Variants in EML1 observed in about 807,000 individuals in gnomAD.
EML1 encodes the protein echinoderm microtubule-associated protein-like 1.
In EML1, 27 loss-of-function variants were observed where a neutral mutation model predicts 110.4. That is an observed-to-expected ratio of 0.24 (90% CI 0.18 to 0.34). EML1 has a LOEUF of 0.34. Among genes scored for constraint, EML1 ranks in the 10% least tolerant of loss-of-function variants. The probability of loss-of-function intolerance (pLI) is 1.00; values close to 1 mark genes in which losing one functional copy is unlikely to be tolerated. For missense variants in EML1, 741 were observed against 1,030.9 expected, an observed-to-expected ratio of 0.72 and a Z score of 3.85; for synonymous variants, 344 against 385.8, an observed-to-expected ratio of 0.89 and a Z score of 1.27.
intron 3 of EML1, among the ~76,000 whole-genome samples, chr14:99,873,483 A>T (rs79597969): frequency 5.9e-5 from 9 of 152,314 alleles, no homozygotes; most frequent in African/African-American, 1.9e-4. Flanking sequence ...TATTATTCCG[A>T]TCCATTGAAA....
At chr14:99,938,458 A>G (rs1379248845) in intron 20 of EML1, among the ~76,000 whole-genome samples, 1 of 152,136 alleles carries the variant, frequency 6.6e-6, no homozygotes, top group East Asian at 1.9e-4. Context: ...CCGGAGGTTC[A>G]CTCCAGAGCT....
At chr14:99,861,018 AC>A (rs1355562801) in intron 2 of EML1, among the ~76,000 whole-genome samples, 14 of 152,364 alleles carry the variant, frequency 9.2e-5, no homozygotes, top group African/African-American at 3.4e-4. Flanking sequence ...TGAGAAAAGG[AC>A]AACAATAGAT....
At chr14:99,798,913 T>C (rs575979015) in intron 1 of EML1, among the ~76,000 whole-genome samples, 32 of 152,350 alleles carry the variant, frequency 2.1e-4, no homozygotes, top group Middle Eastern at 3.4e-3. Flanking sequence ...GTTGTAATGC[T>C]ATAAATAATC....
Position 99,884,555 on chromosome 14 carries a change from A to G in EML1, c.518+5936A>G, listed in dbSNP as rs538583773. Among the ~76,000 whole-genome samples, 5 of 152,360 alleles carry G rather than the reference A, an allele frequency of 3.3e-5. No individual in the cohort carries two copies. The South Asian group carries it at 1.0e-3, about 32-fold the overall frequency. ...GGGAGAACAAGATAATCCACGGAAT[A>G]GAAAAATGGTAAAGGGTCTGCACAG... On this transcript the variant is annotated intron_variant, in intron 4 of 21. Transcript: ENST00000262233.
At position 99,941,647 on chromosome 14, in the gene EML1, A is replaced by ATTTGCAGATGAGACTGTAG. The variant is rs373643254; in HGVS notation, c.*1565_*1583dup. ...TGCAGATTTTATTCTCACCTGGGCC[A>ATTTGCAGATGAGACTGTAG]TTTGCAGATGAGACTGTAGTTTGCA... On this transcript the variant is annotated 3_prime_UTR_variant, in exon 22 of 22. Transcript: ENST00000262233. 2.0e-5 allele frequency: 3 copies of ATTTGCAGATGAGACTGTAG among 152,304 alleles called. No individual in the cohort carries two copies. Among genetic ancestry groups the ATTTGCAGATGAGACTGTAG allele is most frequent in the Non-Finnish European group, 4.4e-5 (3 of 68,034 alleles). 9.4% of individuals were successfully genotyped at this position (152,304 alleles called of 1,614,324 possible).
Position 99,937,807 on chromosome 14 carries a change from C to T in EML1, c.2096-10C>T. On this transcript the variant is annotated splice_polypyrimidine_tract_variant and intron_variant, in intron 19 of 21. Coordinates refer to ENST00000262233, the MANE Select transcript of EML1 (RefSeq NM_004434.3). ...GGCTTAGATGTTGCCAGACTGTTTG[C>T]TTTTTGCAGGGGTTCCCTCTGCCTG... The T allele has an allele frequency of 6.2e-7, 1 of 1,613,386 alleles. No homozygotes were observed. Among genetic ancestry groups the T allele is most frequent in the South Asian group, 1.1e-5 (1 of 91,012 alleles).
intron 1 of EML1, among the ~76,000 whole-genome samples, chr14:99,832,893 A>C (rs1454173249): frequency 6.6e-6 from 1 of 152,176 alleles, no homozygotes; most frequent in African/African-American, 2.4e-5. Context: ...CTTTTTTAAA[A>C]AATAATTTCA....
At chr14:99,826,200 C>T (rs148617680) in intron 1 of EML1, among the ~76,000 whole-genome samples, 1,581 of 149,844 alleles carry the variant, frequency 0.011, 30 homozygotes, top group African/African-American at 0.034. Flanking sequence ...GCAACCTCCT[C>T]CTCCCAGGTT....
At chr14:99,846,995 T>C (rs2058717067) in intron 1 of EML1, among the ~76,000 whole-genome samples, 1 of 152,224 alleles carries the variant, frequency 6.6e-6, no homozygotes, top group Non-Finnish European at 1.5e-5. Context: ...GTTTTAAAGC[T>C]ATTAGTTTTC....
At chr14:99,846,344 G>C (rs1357748437) in intron 1 of EML1, among the ~76,000 whole-genome samples, 4 of 143,846 alleles carry the variant, frequency 2.8e-5, no homozygotes, top group African/African-American at 1.0e-4. Flanking sequence ...GTGCAGTGGC[G>C]CAATCTCGGC....
At position 99,904,449 on chromosome 14, in the gene EML1, A is replaced by G. The variant is rs117408200; in HGVS notation, c.1009-3189A>G. 4.9e-3 allele frequency among the ~76,000 whole-genome samples: 750 copies of G among 152,340 alleles called. 3 individuals are homozygous for G. The highest frequency in any genetic ancestry group is 8.6e-3 in the Non-Finnish European group (585 of 68,026). ...ACATTTCACTTTCTTTATACACCTT[A>G]CATATAAAACAGTTTTTATTTCCCA... is the stretch of plus-strand genomic sequence containing the variant. On this transcript the variant is annotated intron_variant, in intron 9 of 21. Coordinates refer to ENST00000262233, the MANE Select transcript of EML1 (RefSeq NM_004434.3).
chr14:99,864,256 C>T (rs892610988), intron 2 of EML1, among the ~76,000 whole-genome samples: 9 of 152,076 alleles, frequency 5.9e-5, no homozygotes, highest in African/African-American at 1.7e-4. Flanking sequence ...TTATCAGATA[C>T]GTGATGTGCA....
intron 4 of EML1, among the ~76,000 whole-genome samples, chr14:99,884,234 T>G (rs1410797437): frequency 2.0e-5 from 3 of 152,184 alleles, no homozygotes; most frequent in Non-Finnish European, 1.5e-5. Context: ...TCCCTCCCAC[T>G]CCCCTGCTTG....
chr14:99,861,406 A>G (rs899356646), intron 2 of EML1, among the ~76,000 whole-genome samples: 1 of 152,226 alleles, frequency 6.6e-6, no homozygotes, highest in African/African-American at 2.4e-5. Context: ...TTGGCATAAT[A>G]CACAGTTTTG....
At chr14:99,793,981 C>T (rs1218209622) in intron 1 of EML1, among the ~76,000 whole-genome samples, 1 of 152,178 alleles carries the variant, frequency 6.6e-6, no homozygotes, top group African/African-American at 2.4e-5. Flanking sequence ...CAAAACCCTC[C>T]TGCGAGGATG....
At chr14:99,746,961 T>C (rs2057116344) in intron 1 of EML1, among the ~76,000 whole-genome samples, 1 of 152,030 alleles carries the variant, frequency 6.6e-6, no homozygotes, top group Admixed American at 6.5e-5. Flanking sequence ...TGCTATCCTG[T>C]GCTTGCCTCC....
chr14:99,870,217 G>A (rs1595406923), intron 3 of EML1, among the ~76,000 whole-genome samples: 2 of 152,196 alleles, frequency 1.3e-5, no homozygotes, highest in Admixed American at 1.3e-4. Flanking sequence ...ATCATACGAG[G>A]CACAACATTC....
At chr14:99,849,511 G>T (rs1235213905) in intron 1 of EML1, among the ~76,000 whole-genome samples, 1 of 131,518 alleles carries the variant, frequency 7.6e-6, no homozygotes, top group African/African-American at 2.8e-5. Context: ...GTATTTGTGT[G>T]TGTGTGTGTG....
At chr14:99,771,438 C>T (rs537200673), upstream of EML1, among the ~76,000 whole-genome samples, 7 of 152,322 alleles carry the variant, frequency 4.6e-5, no homozygotes, top group East Asian at 3.9e-4. Flanking sequence ...AACAGTTCAT[C>T]GCGTGGATAA....
Sources: gnomAD v4.1 joint callset for allele counts (sites outside exome capture counted in the v4.1 genomes callset) on GRCh38, gnomAD v4.1.1 for gene constraint, MANE v1.5 for transcripts, NCBI Gene and HGNC (gene_info 2026-07-23, HGNC 2026-07-21) for gene names.